The following SLCO3A1 variants were observed in gnomAD, a reference collection of about 807,000 sequenced individuals.
The protein encoded by SLCO3A1 is solute carrier organic anion transporter family member 3A1.
SLCO3A1 carries 27 observed loss-of-function variants against 63.1 expected under a neutral mutation model. That is an observed-to-expected ratio of 0.43 (90% CI 0.32 to 0.59). SLCO3A1 has a LOEUF of 0.59. SLCO3A1 is among the 20% of genes least tolerant of loss of function. The pLI, the probability that SLCO3A1 is intolerant of heterozygous loss-of-function variation, is 0.09. For synonymous variants in SLCO3A1, 473 were observed against 409.9 expected (o/e 1.15, Z -1.86); for missense variants, 773 against 945.8 (o/e 0.82, Z 2.40).
At position 91,853,751 on chromosome 15, in the gene SLCO3A1, A is replaced by T; in HGVS notation, c.-158A>T. 1 of 620,754 alleles carries T rather than the reference A, an allele frequency of 1.6e-6. No homozygotes were observed. Among genetic ancestry groups the T allele is most frequent in the Non-Finnish European group, 2.0e-6 (1 of 488,658 alleles). The allele number at this position is 620,754 out of a possible 1,614,324, so 38.5% of individuals were successfully genotyped here. A position where few individuals can be genotyped will look rare whatever the true frequency, so the allele number is the denominator to read the frequency against. The stretch of plus-strand genomic sequence containing the variant: ...GCGGCGGCGAGGAGCTGTGCCTTCC[A>T]CCTCTCCAGCCCCGGCAGGACGGGG... On this transcript the variant is annotated 5_prime_UTR_variant, in exon 1 of 10. Transcript: ENST00000318445.
intron 2 of SLCO3A1, among the ~76,000 whole-genome samples, chr15:92,084,662 G>A (rs529728327): frequency 1.3e-5 from 2 of 152,306 alleles, no homozygotes; most frequent in East Asian, 1.9e-4. Context: ...TTGCTCTCAG[G>A]GGCATAAAGA....
intron 2 of SLCO3A1, among the ~76,000 whole-genome samples, chr15:92,029,214 G>A (rs550016627): frequency 6.6e-6 from 1 of 152,262 alleles, no homozygotes; most frequent in Admixed American, 6.5e-5. Context: ...TCTATGCCAG[G>A]TCTCTGACCC....
intron 2 of SLCO3A1, among the ~76,000 whole-genome samples, chr15:92,085,263 G>C (rs1239473655): frequency 2.0e-5 from 3 of 152,200 alleles, no homozygotes; most frequent in African/African-American, 7.2e-5. Context: ...TTTGATTTCA[G>C]AGTAGCCGTG....
rs559526650 is a variant in SLCO3A1 at position 92,070,371 on chromosome 15, G to T, written c.647-24510G>T. Among the ~76,000 whole-genome samples the T allele has an allele frequency of 2.6e-5, 4 of 152,300 alleles. No individual in the cohort carries two copies. The East Asian group carries it at 7.7e-4, about 29-fold the overall frequency. ...GAAATAATTACGGAGGGTCGGGTGC[G>T]GTGGCTTACGCCTGTAATCGCAGCA... On this transcript the variant is annotated intron_variant, in intron 2 of 9. Coordinates refer to ENST00000318445, the MANE Select transcript of SLCO3A1 (RefSeq NM_013272.4).
chr15:91,955,349 T>C (rs997306807), intron 2 of SLCO3A1, among the ~76,000 whole-genome samples: 2 of 140,802 alleles, frequency 1.4e-5, no homozygotes, highest in African/African-American at 5.0e-5. Context: ...TTTTTTTTTT[T>C]TGAAACAGAG....
chr15:92,146,180 C>T (rs916367368), intron 7 of SLCO3A1, among the ~76,000 whole-genome samples: 3 of 152,174 alleles, frequency 2.0e-5, no homozygotes, highest in Non-Finnish European at 2.9e-5. Context: ...TGGCTTGGCA[C>T]CGGGCACTGC....
chr15:91,858,976 C>T (rs922302586), intron 1 of SLCO3A1, among the ~76,000 whole-genome samples: 1 of 152,200 alleles, frequency 6.6e-6, no homozygotes, highest in Non-Finnish European at 1.5e-5. Flanking sequence ...GCTTTAGTTC[C>T]AACTCGCGCA....
intron 2 of SLCO3A1, among the ~76,000 whole-genome samples, chr15:92,016,254 T>TAGATTAGATAGATAGA: frequency 0.018 from 1,681 of 95,486 alleles, 12 homozygotes; most frequent in South Asian, 0.025. Flanking sequence ...GATAGATAGA[T>TAGATTAGATAGATAGA]TAGATAGATA....
intron 1 of SLCO3A1, among the ~76,000 whole-genome samples, chr15:91,905,291 T>A (rs1898267160): frequency 6.6e-6 from 1 of 152,226 alleles, no homozygotes; most frequent in East Asian, 1.9e-4. Context: ...TCTGATAGTG[T>A]ATATAGCTAT....
At chr15:91,915,261 A>G (rs1207404698) in intron 1 of SLCO3A1, among the ~76,000 whole-genome samples, 1 of 152,138 alleles carries the variant, frequency 6.6e-6, no homozygotes. Flanking sequence ...ATTGCCTGGC[A>G]AGCAGCAGAT....
intron 2 of SLCO3A1, among the ~76,000 whole-genome samples, chr15:91,990,474 T>C (rs533394798): frequency 1.2e-4 from 19 of 152,108 alleles, no homozygotes; most frequent in Non-Finnish European, 2.5e-4. Context: ...CCTGAACTGG[T>C]TTCATTTCAT....
intron 2 of SLCO3A1, among the ~76,000 whole-genome samples, chr15:92,045,233 T>A (rs1184318684): frequency 2.8e-5 from 4 of 144,140 alleles, no homozygotes; most frequent in Non-Finnish European, 6.0e-5. Context: ...TGAGTTGAGA[T>A]CACACTGTCG....
At position 92,018,499 on chromosome 15, in the gene SLCO3A1, C is replaced by T. The variant is rs187818063; in HGVS notation, c.647-76382C>T. Among the ~76,000 whole-genome samples, 655 of 152,278 alleles carry T rather than the reference C, an allele frequency of 4.3e-3. 6 individuals are homozygous for T. The highest frequency in any genetic ancestry group is 0.015 in the African/African-American group (611 of 41,556). On this transcript the variant is annotated intron_variant, in intron 2 of 9. Coordinates refer to ENST00000318445, the MANE Select transcript of SLCO3A1 (RefSeq NM_013272.4). ...CAGAAGTGGCAGCAGGCAGCCATCA[C>T]CTTGTGATACTGCCACTTCTCTTCC... is the stretch of plus-strand genomic sequence containing the variant.
At chr15:92,094,202 C>T in intron 2 of SLCO3A1, among the ~76,000 whole-genome samples, 1 of 152,182 alleles carries the variant, frequency 6.6e-6, no homozygotes, top group Non-Finnish European at 1.5e-5. Flanking sequence ...CAGAGCCTGC[C>T]ATTTTCTCAA....
At position 92,163,231 on chromosome 15, in the gene SLCO3A1, ACACACACACAGGCACAGATG is replaced by A. The variant is rs2048462916; in HGVS notation, c.*106_*125del. 3.5e-6 allele frequency: 5 copies of A among 1,432,730 alleles called. No individual in the cohort carries two copies. Among genetic ancestry groups the A allele is most frequent in the Non-Finnish European group, 3.6e-6 (4 of 1,101,020 alleles). 88.8% of individuals were successfully genotyped at this position (1,432,730 alleles called of 1,614,324 possible). A position where few individuals can be genotyped will look rare whatever the true frequency, so the allele number is the denominator to read the frequency against. Reference sequence around the variant, plus strand: ...GTTCCAAAAAAAACCAAAACTCAGTACACACACACAGGCACAGATGCACACACACGCAGACAGACACACCG... The same window carrying A: ...GTTCCAAAAAAAACCAAAACTCAGTACACACACACGCAGACAGACACACCG... On this transcript the variant is annotated 3_prime_UTR_variant, in exon 10 of 10. Coordinates refer to ENST00000318445, the MANE Select transcript of SLCO3A1 (RefSeq NM_013272.4).
At chr15:91,919,143 G>T (rs1567185449) in intron 2 of SLCO3A1, among the ~76,000 whole-genome samples, 1 of 152,242 alleles carries the variant, frequency 6.6e-6, no homozygotes, top group African/African-American at 2.4e-5. Context: ...CACTAGATGG[G>T]TGCTGTTTGT....
intron 1 of SLCO3A1, among the ~76,000 whole-genome samples, chr15:91,866,032 C>T (rs1400353818): frequency 6.6e-6 from 1 of 152,208 alleles, no homozygotes; most frequent in African/African-American, 2.4e-5. Flanking sequence ...GAAATGCGGA[C>T]AGTCCCTGTT....
intron 2 of SLCO3A1, among the ~76,000 whole-genome samples, chr15:91,952,120 G>A (rs1200142628): frequency 6.6e-6 from 1 of 152,158 alleles, no homozygotes; most frequent in Non-Finnish European, 1.5e-5. Context: ...GACTAATGAT[G>A]TTAAGCATCA....
At chr15:92,105,434 AT>A (rs2047656210) in intron 4 of SLCO3A1, among the ~76,000 whole-genome samples, 1 of 152,092 alleles carries the variant, frequency 6.6e-6, no homozygotes, top group African/African-American at 2.4e-5. Context: ...TCTTGCTATC[AT>A]TTTTTAAAGA....
Sources: allele counts gnomAD v4.1 joint callset (sites outside exome capture counted in the v4.1 genomes callset), GRCh38; gene constraint gnomAD v4.1.1; transcripts MANE v1.5; gene names NCBI Gene and HGNC (gene_info 2026-07-23, HGNC 2026-07-21).